CHN2: variants seen among roughly 807,000 people sequenced by gnomAD.
CHN2 encodes chimerin 2.
CHN2 carries 35 observed loss-of-function variants against 56.3 expected under a neutral mutation model. The observed-to-expected ratio is 0.62, with a 90% CI of 0.47 to 0.82. The LOEUF is 0.82. Ranked by LOEUF, CHN2 falls within the 40% of genes least tolerant of loss-of-function variation. The pLI is 0.00. For synonymous variants in CHN2, 210 were observed against 212.8 expected (o/e 0.99, Z 0.12); for missense variants, 491 against 580.5 (o/e 0.85, Z 1.58).
intron 6 of CHN2, among the ~76,000 whole-genome samples, chr7:29,420,989 C>T (rs1305641252): frequency 2.0e-5 from 3 of 151,950 alleles, no homozygotes; most frequent in African/African-American, 7.3e-5. Context: ...TTGGTAGAGA[C>T]GGGGTTTCGC....
intron 1 of CHN2, among the ~76,000 whole-genome samples, chr7:29,326,325 T>C (rs540482691): frequency 6.6e-6 from 1 of 152,072 alleles, no homozygotes; most frequent in African/African-American, 2.4e-5. Context: ...GCCCAGCTAA[T>C]TTTTGTATTT....
intron 6 of CHN2, among the ~76,000 whole-genome samples, chr7:29,419,306 T>G (rs1378982812): frequency 1.3e-5 from 2 of 152,198 alleles, no homozygotes; most frequent in Non-Finnish European, 2.9e-5. Flanking sequence ...GAATTTGGAC[T>G]CTTACTTTTC....
chr7:29,444,737 C>G (rs1014756265), intron 6 of CHN2, among the ~76,000 whole-genome samples: 1 of 152,194 alleles, frequency 6.6e-6, no homozygotes, highest in Admixed American at 6.5e-5. Context: ...GGAGGAGTGG[C>G]TTGCATATCC....
chr7:29,398,104 C>A, intron 4 of CHN2: 4 of 244,688 alleles, frequency 1.6e-5, no homozygotes, highest in East Asian at 7.8e-5. Flanking sequence ...TTTGTTTCAA[C>A]TTTCATTTTC....
At chr7:29,271,975 T>A (rs752973632) in intron 1 of CHN2, among the ~76,000 whole-genome samples, 83 of 152,312 alleles carry the variant, frequency 5.4e-4, no homozygotes, top group Non-Finnish European at 7.2e-4. Context: ...ATAGGTGAAA[T>A]CACTATTTCA....
intron 1 of CHN2, among the ~76,000 whole-genome samples, chr7:29,325,404 T>C (rs1795722749): frequency 6.6e-6 from 1 of 152,200 alleles, no homozygotes; most frequent in Non-Finnish European, 1.5e-5. Context: ...CCAAAGGCAC[T>C]CCTCCTTAGT....
At chr7:29,484,445 G>T (rs957978077) in intron 7 of CHN2, among the ~76,000 whole-genome samples, 2 of 152,230 alleles carry the variant, frequency 1.3e-5, no homozygotes, top group African/African-American at 4.8e-5. Flanking sequence ...GGCTCTGAAA[G>T]AGAAACTGCC....
At chr7:29,398,569 G>A (rs953078237) in intron 5 of CHN2, 83 bp downstream of exon 5, 1 of 847,672 alleles carries the variant, frequency 1.2e-6, no homozygotes, top group Non-Finnish European at 2.0e-6. Flanking sequence ...TTGTAGCAGA[G>A]TATACATAAC....
chr7:29,186,426 T>A (rs1272296416), intron 2 of CHN2: 2 of 151,950 alleles, frequency 1.3e-5, no homozygotes, highest in African/African-American at 4.8e-5. Context: ...CCACTAAAAA[T>A]TTTAAAAAGC....
chr7:29,396,538 C>A (rs1801761846), intron 4 of CHN2: 2 of 152,046 alleles, frequency 1.3e-5, no homozygotes, highest in South Asian at 4.1e-4. Context: ...CTTTTCCTGT[C>A]CCTTCTCCTG....
intron 2 of CHN2, among the ~76,000 whole-genome samples, chr7:29,154,974 C>T (rs1263142508): frequency 6.6e-6 from 1 of 152,198 alleles, no homozygotes; most frequent in Non-Finnish European, 1.5e-5. Context: ...GAGCAAGTCA[C>T]ATCTTACATG....
chr7:29,382,584 C>T (rs925744085), intron 3 of CHN2, among the ~76,000 whole-genome samples: 4 of 152,178 alleles, frequency 2.6e-5, no homozygotes, highest in Admixed American at 6.5e-5. Context: ...CTGTGAACAC[C>T]GTGAGCAATA....
At chr7:29,255,883 A>G (rs1165684884) in intron 1 of CHN2, among the ~76,000 whole-genome samples, 1 of 152,168 alleles carries the variant, frequency 6.6e-6, no homozygotes, top group Non-Finnish European at 1.5e-5. Flanking sequence ...GCAGTATGCA[A>G]AAACCATTAT....
intron 1 of CHN2, among the ~76,000 whole-genome samples, chr7:29,330,190 T>G (rs1796115175): frequency 1.3e-5 from 2 of 152,258 alleles, no homozygotes; most frequent in Admixed American, 1.3e-4. Flanking sequence ...GTTCATATCC[T>G]AAAGTCATCT....
intron 2 of CHN2, among the ~76,000 whole-genome samples, chr7:29,189,440 G>A (rs1191746873): frequency 6.6e-6 from 1 of 152,044 alleles, no homozygotes; most frequent in Non-Finnish European, 1.5e-5. Flanking sequence ...AGGAACCCCC[G>A]CAGAAGACAC....
intron 2 of CHN2, among the ~76,000 whole-genome samples, chr7:29,147,964 G>A (rs905453021): frequency 1.3e-5 from 2 of 152,206 alleles, no homozygotes; most frequent in Admixed American, 6.5e-5. Context: ...CCAGTTCCTG[G>A]TTTGCAGCCA....
intron 7 of CHN2, among the ~76,000 whole-genome samples, chr7:29,489,547 A>G (rs930048247): frequency 2.0e-4 from 31 of 152,216 alleles, no homozygotes; most frequent in Non-Finnish European, 7.3e-5. Flanking sequence ...CTGTCTAGAG[A>G]TTGTCCTTGT....
chr7:29,207,669 GTAT>G (rs1455986248), intron 1 of CHN2, among the ~76,000 whole-genome samples: 4 of 152,190 alleles, frequency 2.6e-5, no homozygotes, highest in African/African-American at 9.6e-5. Context: ...ATGCTCCTGA[GTAT>G]TATTCGCACA....
At position 29,403,886 on chromosome 7, in the gene CHN2, C is replaced by T. The variant is rs565858490; in HGVS notation, c.576+3058C>T. ...CTGACCTTCACATCACTGTAAGCAA[C>T]AAAGGAATAACAGGAGATTTAACAT... On this transcript the variant is annotated intron_variant, in intron 6 of 12. Coordinates refer to ENST00000222792, the MANE Select transcript of CHN2 (RefSeq NM_004067.4). 9.2e-5 allele frequency among the ~76,000 whole-genome samples: 14 copies of T among 152,320 alleles called. No individual in the cohort carries two copies. The South Asian group carries it at 2.9e-3, about 32-fold the overall frequency.
Sources: allele counts gnomAD v4.1 joint callset (sites outside exome capture counted in the v4.1 genomes callset), GRCh38; gene constraint gnomAD v4.1.1; transcripts MANE v1.5; gene names NCBI Gene and HGNC (gene_info 2026-07-23, HGNC 2026-07-21).